Variants in SREK1 observed in about 807,000 individuals in gnomAD.
SREK1 encodes the protein splicing regulatory glutamine/lysine-rich protein 1.
A neutral mutation model predicts 66.5 loss-of-function variants in SREK1; 13 were observed. The ratio of observed to expected loss-of-function variants is 0.20; its 90% confidence interval spans 0.13 to 0.31. The LOEUF is 0.31. SREK1 is among the 10% of genes least tolerant of loss of function. The pLI, the probability that SREK1 is intolerant of heterozygous loss-of-function variation, is 1.00. For missense variants in SREK1, 607 were observed against 769.6 expected, an observed-to-expected ratio of 0.79 and a Z score of 2.50; for synonymous variants, 265 against 263.5, an observed-to-expected ratio of 1.01 and a Z score of -0.05.
chr5:66,147,618 C>T (rs752732884), intron 1 of SREK1, among the ~76,000 whole-genome samples: 1 of 151,976 alleles, frequency 6.6e-6, no homozygotes, highest in African/African-American at 2.4e-5. Flanking sequence ...CTCTGGTCTT[C>T]TAAAGTTCTA....
rs1391746757 is a variant in SREK1, at chr5:66,170,810, GGAAAAGGAACAGGACAAA to G, written c.1358_1375del (p.Gln453_Glu458del). 6.2e-7 allele frequency: 1 copy of G among 1,611,698 alleles called. No homozygotes were observed. Among genetic ancestry groups the G allele is most frequent in the Non-Finnish European group, 8.5e-7 (1 of 1,178,918 alleles). ...ATGAGAAGGATCGAGACAAAGAGAA[GGAAAAGGAACAGGACAAA>G]GAAAAGGAACGAGAAAAAGACAGAT... On this transcript the variant is annotated inframe_deletion, in exon 9 of 12. Coordinates refer to ENST00000334121, the MANE Select transcript of SREK1 (RefSeq NM_001077199.3).
At chr5:66,166,866 G>A (rs1745221825) in intron 7 of SREK1, 1 of 151,980 alleles carries the variant, frequency 6.6e-6, no homozygotes, top group Non-Finnish European at 1.5e-5. Context: ...AAATACAAAA[G>A]AGAGAATGAG....
At chr5:66,157,820 T>A (rs1744419034) in intron 2 of SREK1, 3 of 602,368 alleles carry the variant, frequency 5.0e-6, no homozygotes, top group Non-Finnish European at 6.2e-6. Context: ...GCATAGCCAT[T>A]ATTTAAATCA....
At chr5:66,148,583 G>A (rs1046977874) in intron 1 of SREK1, among the ~76,000 whole-genome samples, 1 of 152,018 alleles carries the variant, frequency 6.6e-6, no homozygotes. Flanking sequence ...TGCTAAATTT[G>A]GGTACTGCTA....
intron 7 of SREK1, chr5:66,166,865 A>G (rs183674696): frequency 6.6e-6 from 1 of 152,334 alleles, no homozygotes; most frequent in African/African-American, 2.4e-5. Context: ...CAAATACAAA[A>G]GAGAGAATGA....
intron 1 of SREK1, chr5:66,145,030 G>C: frequency 1.0e-6 from 1 of 986,320 alleles, no homozygotes; most frequent in Non-Finnish European, 1.2e-6. Flanking sequence ...CTGGGGCTGT[G>C]TTTGTTTCCC....
intron 6 of SREK1, chr5:66,164,217 A>G: frequency 3.2e-6 from 1 of 316,696 alleles, no homozygotes; most frequent in Non-Finnish European, 5.9e-6. Flanking sequence ...TGCAAGGCTA[A>G]AAAGAGTACA....
chr5:66,171,499 G>C (rs1409257035), intron 9 of SREK1, among the ~76,000 whole-genome samples: 1 of 152,162 alleles, frequency 6.6e-6, no homozygotes, highest in Non-Finnish European at 1.5e-5. Context: ...CCAGGTGGCA[G>C]CAAGTTGCCA....
intron 10 of SREK1, 21 bp from the exon 11 acceptor site, chr5:66,177,493 G>A: frequency 6.5e-7 from 1 of 1,528,594 alleles, no homozygotes; most frequent in South Asian, 1.2e-5. Context: ...GAATTTAACT[G>A]ACATATCAAT....
At chr5:66,151,660 T>C (rs542022785) in intron 1 of SREK1, among the ~76,000 whole-genome samples, 2 of 152,150 alleles carry the variant, frequency 1.3e-5, no homozygotes, top group Admixed American at 6.5e-5. Flanking sequence ...GATTTGGTCA[T>C]GTAAAGGTGG....
At chr5:66,177,966 T>C (rs753715672) in intron 11 of SREK1, among the ~76,000 whole-genome samples, 1 of 152,090 alleles carries the variant, frequency 6.6e-6, no homozygotes, top group Non-Finnish European at 1.5e-5. Flanking sequence ...GCCATTTTCC[T>C]CAATTTATGT....
Position 66,156,051 on chromosome 5 carries a change from T to G in SREK1, c.295+2455T>G, listed in dbSNP as rs532198311. On this transcript the variant is annotated intron_variant, in intron 2 of 11. Transcript: ENST00000334121. Reference sequence around the variant, plus strand: ...TTTGTATGTTTTCTCTATGTGATATTTGTGCATTATTAGATGACTAGACTG... The same window carrying G: ...TTTGTATGTTTTCTCTATGTGATATGTGTGCATTATTAGATGACTAGACTG... 205 of 1,533,498 alleles carry G rather than the reference T, an allele frequency of 1.3e-4. No homozygotes were observed. In the African/African-American group the frequency reaches 2.5e-3, roughly 19 times the overall value. The allele number at this position is 1,533,498 out of a possible 1,614,324, so 95.0% of individuals were successfully genotyped here.
At chr5:66,157,240 C>T (rs1440221716) in intron 2 of SREK1, 1 of 985,064 alleles carries the variant, frequency 1.0e-6, no homozygotes, top group East Asian at 1.1e-4. Context: ...TGACAACCTA[C>T]TGATACTTAA....
Position 66,181,040 on chromosome 5 carries a change from A to G in SREK1, c.*2172A>G, listed in dbSNP as rs1046745218. The G allele has an allele frequency of 5.9e-5, 9 of 152,190 alleles. No individual in the cohort carries two copies. Among genetic ancestry groups the G allele is most frequent in the African/African-American group, 2.2e-4 (9 of 41,444 alleles). 9.4% of individuals were successfully genotyped at this position (152,190 alleles called of 1,614,324 possible). A position where few individuals can be genotyped will look rare whatever the true frequency, so the allele number is the denominator to read the frequency against. On this transcript the variant is annotated 3_prime_UTR_variant, in exon 12 of 12. Transcript: ENST00000334121. ...GAGTGTTTTCTTGTACTCTGGACCT[A>G]TTACATGTTTCTTTATGTTGGTAAT...
chr5:66,148,091 A>G (rs1224317009), intron 1 of SREK1, among the ~76,000 whole-genome samples: 1 of 152,024 alleles, frequency 6.6e-6, no homozygotes, highest in Non-Finnish European at 1.5e-5. Context: ...TTGATTGTCA[A>G]CAATGATTAG....
intron 7 of SREK1, chr5:66,166,236 G>C (rs1186588476): frequency 6.6e-6 from 1 of 152,132 alleles, no homozygotes; most frequent in East Asian, 1.9e-4. Flanking sequence ...ATAGAATTGG[G>C]CTGAAGAGTA....
rs777969122 is a variant in SREK1 at position 66,153,624 on chromosome 5, T to C, written c.295+28T>C. 1.7e-5 allele frequency: 27 copies of C among 1,613,728 alleles called. No homozygotes were observed. The Admixed American group carries it at 4.2e-4, about 25-fold the overall frequency. On this transcript the variant is annotated intron_variant, in intron 2 of 11. Coordinates refer to ENST00000334121, the MANE Select transcript of SREK1 (RefSeq NM_001077199.3). ...TGGTATCTCGCTTTTTTTCCTCTTATTTGAATTTCTGTCCTGTCTGTTATT... is the reference window on the plus strand; with the variant it reads ...TGGTATCTCGCTTTTTTTCCTCTTACTTGAATTTCTGTCCTGTCTGTTATT...
Position 66,162,362 on chromosome 5 carries a change from T to C in SREK1, c.577-52T>C, listed in dbSNP as rs77573462. The C allele has an allele frequency of 8.8e-4, 1,419 of 1,605,700 alleles. 9 individuals carry two copies. In the African/African-American group the frequency reaches 0.015, roughly 17 times the overall value. Reference sequence around the variant, plus strand: ...ATATCAGTGGATACAGTAATATTTATCTGATTTTTTAAATGGATATATTTT... The same window carrying C: ...ATATCAGTGGATACAGTAATATTTACCTGATTTTTTAAATGGATATATTTT... On this transcript the variant is annotated intron_variant, in intron 4 of 11. Coordinates refer to ENST00000334121, the MANE Select transcript of SREK1 (RefSeq NM_001077199.3).
chr5:66,157,160 G>A lies in SREK1; in HGVS notation c.296-2059G>A, dbSNP rs867705629. ...ATTTATTAAAAAATGTGCTTATAGTGGATTTATACATTTATAGTAGTATAC... is the reference window on the plus strand; with the variant it reads ...ATTTATTAAAAAATGTGCTTATAGTAGATTTATACATTTATAGTAGTATAC... On this transcript the variant is annotated intron_variant, in intron 2 of 11. Coordinates refer to ENST00000334121, the MANE Select transcript of SREK1 (RefSeq NM_001077199.3). 1.8e-5 allele frequency: 17 copies of A among 950,206 alleles called. No individual in the cohort carries two copies. The African/African-American group carries it at 2.3e-4, about 13-fold the overall frequency. The allele number at this position is 950,206 out of a possible 1,614,324, so 58.9% of individuals were successfully genotyped here.
Sources: allele counts gnomAD v4.1 joint callset (sites outside exome capture counted in the v4.1 genomes callset), GRCh38; gene constraint gnomAD v4.1.1; transcripts MANE v1.5; gene names NCBI Gene and HGNC (gene_info 2026-07-23, HGNC 2026-07-21).